Variants in HIGD1A observed in about 807,000 individuals in gnomAD.
The protein encoded by HIGD1A is HIG1 hypoxia inducible domain family member 1A, also known as HIG1 domain family member 1A, mitochondrial.
Under a neutral mutation model 11.3 loss-of-function variants are expected in HIGD1A, and 8 were observed. That is an observed-to-expected ratio of 0.71 (90% CI 0.42 to 1.28). The LOEUF (loss-of-function observed/expected upper bound fraction) is 1.28. Among genes scored for constraint, HIGD1A ranks in the 50% most tolerant of loss-of-function variants. HIGD1A has a pLI of 0.01. For synonymous variants in HIGD1A, 32 were observed against 38.4 expected, an observed-to-expected ratio of 0.83 and a Z score of 0.62; for missense variants, 107 against 118.8, an observed-to-expected ratio of 0.90 and a Z score of 0.46.
chr3:42,794,724 G>T (rs1305189744), intron 1 of HIGD1A, among the ~76,000 whole-genome samples: 2 of 152,184 alleles, frequency 1.3e-5, no homozygotes, highest in African/African-American at 4.8e-5. Context: ...TTTCGGTGTA[G>T]TTAAATGCAG....
chr3:42,783,802 G>A lies in HIGD1A; in HGVS notation c.*1469C>T, dbSNP rs1254091379. 1.3e-5 allele frequency among the ~76,000 whole-genome samples: 2 copies of A among 152,112 alleles called. No homozygotes were observed. Among genetic ancestry groups the A allele is most frequent in the South Asian group, 2.1e-4 (1 of 4,826 alleles). On this transcript the variant is annotated 3_prime_UTR_variant, in exon 4 of 4. Transcript: ENST00000321331. ...TAATTATATGGATAATCAGCTGGGC[G>A]TGGTGGCTCACGCCTGTAATCCTAG...
rs1575356903 is a variant in HIGD1A, at chr3:42,786,144, G to A, written c.116C>T (p.Ala39Val). 2 of 1,613,988 alleles carry A rather than the reference G, an allele frequency of 1.2e-6. No individual in the cohort carries two copies. Among genetic ancestry groups the A allele is most frequent in the East Asian group, 4.5e-5 (2 of 44,870 alleles). Residue 39 changes from alanine to valine, a missense_variant, in exon 3 of 4, where the codon GCA (alanine) becomes GTA (valine). Transcript: ENST00000321331. ...TTTATATAATCCATATGCAACAATTGCTGCAAAACCCGCTATTCCTGTAAA... is the reference window on the plus strand; with the variant it reads ...TTTATATAATCCATATGCAACAATTACTGCAAAACCCGCTATTCCTGTAAA... ...FVPVGIAGFA[A>V]IVAYGLYKLK...
Position 42,794,259 on chromosome 3 carries a change from T to C in HIGD1A, c.-6A>G, listed in dbSNP as rs1279825621. 6 of 1,586,108 alleles carry C rather than the reference T, an allele frequency of 3.8e-6. No homozygotes were observed. The highest frequency in any genetic ancestry group is 1.4e-5 in the African/African-American group (1 of 73,372). On this transcript the variant is annotated 5_prime_UTR_variant, in exon 2 of 4. Coordinates refer to ENST00000321331, the MANE Select transcript of HIGD1A (RefSeq NM_014056.4). ...ACACCTGTGTCTGTTGACATAGTGA[T>C]TGCTTGAAGAATCTCCCTGAGAAAG...
chr3:42,804,458 A>C lies in HIGD1A; in HGVS notation c.-45T>G, dbSNP rs1575367533. 4.3e-6 allele frequency: 2 copies of C among 461,538 alleles called. No individual in the cohort carries two copies. Among genetic ancestry groups the C allele is most frequent in the Non-Finnish European group, 3.8e-6 (1 of 260,542 alleles). 28.6% of individuals were successfully genotyped at this position (461,538 alleles called of 1,614,324 possible). On this transcript the variant is annotated 5_prime_UTR_variant, in exon 1 of 4. Coordinates refer to ENST00000321331, the MANE Select transcript of HIGD1A (RefSeq NM_014056.4). Reference sequence around the variant, plus strand: ...TACCTAGAGCGAGAAAACCTCTCACACCCCAACCGGCTTCCGATCCCTGCA... The same window carrying C: ...TACCTAGAGCGAGAAAACCTCTCACCCCCCAACCGGCTTCCGATCCCTGCA...
chr3:42,796,140 C>T (rs777825825), intron 1 of HIGD1A, among the ~76,000 whole-genome samples: 4 of 152,142 alleles, frequency 2.6e-5, no homozygotes, highest in African/African-American at 9.7e-5. Flanking sequence ...AATGCAACTC[C>T]GGAGGGGGTG....
chr3:42,804,256 T>G (rs1700607509), intron 1 of HIGD1A, 180 bp downstream of exon 1: 16 of 1,568,530 alleles, frequency 1.0e-5, no homozygotes, highest in Non-Finnish European at 1.3e-5. Flanking sequence ...ACTCCTCTCA[T>G]CCGCCCATGC....
At position 42,785,155 on chromosome 3, in the gene HIGD1A, G is replaced by A. The variant is rs889885186; in HGVS notation, c.*116C>T. 1.4e-6 allele frequency: 1 copy of A among 725,190 alleles called. No homozygotes were observed. The highest frequency in any genetic ancestry group is 2.3e-6 in the Non-Finnish European group (1 of 438,856). 44.9% of individuals were successfully genotyped at this position (725,190 alleles called of 1,614,324 possible). On this transcript the variant is annotated 3_prime_UTR_variant, in exon 4 of 4. Transcript: ENST00000321331. Reference sequence around the variant, plus strand: ...AGGAAGCCAATATTCAAAATGCCATGTTACCATCTAAACCCATACAAATTA... The same window carrying A: ...AGGAAGCCAATATTCAAAATGCCATATTACCATCTAAACCCATACAAATTA...
At chr3:42,804,209 C>G in intron 1 of HIGD1A, 2 of 1,610,264 alleles carry the variant, frequency 1.2e-6, no homozygotes, top group Non-Finnish European at 1.7e-6. Context: ...CTGGCTCCGT[C>G]TCCCCTCACC....
intron 1 of HIGD1A, among the ~76,000 whole-genome samples, chr3:42,794,877 A>C (rs1700475026): frequency 6.6e-6 from 1 of 152,230 alleles, no homozygotes; most frequent in South Asian, 2.1e-4. Flanking sequence ...CTGAATAGCC[A>C]AAGTTTCTAC....
intron 3 of HIGD1A, 40 bp downstream of exon 3, chr3:42,785,988 A>C (rs768532973): frequency 1.2e-6 from 2 of 1,603,824 alleles, no homozygotes; most frequent in South Asian, 2.2e-5. Flanking sequence ...GAAATACCTT[A>C]ATGAGAAACG....
intron 2 of HIGD1A, among the ~76,000 whole-genome samples, chr3:42,793,305 G>T (rs1468518564): frequency 6.6e-6 from 1 of 152,108 alleles, no homozygotes. Flanking sequence ...ACCTCTGGGG[G>T]ATAGGAGACT....
chr3:42,785,439 G>C, intron 3 of HIGD1A, 119 bp from the exon 4 acceptor site: 2 of 744,406 alleles, frequency 2.7e-6, no homozygotes, highest in South Asian at 3.4e-5. Flanking sequence ...TTTACAAGGG[G>C]AATAAGACCC....
chr3:42,794,058 GAA>G, intron 2 of HIGD1A, 97 bp downstream of exon 2: 1 of 1,204,964 alleles, frequency 8.3e-7, no homozygotes. Flanking sequence ...TTCAACATAA[GAA>G]AAAAATGGAA....
chr3:42,803,886 G>A (rs945334785), intron 1 of HIGD1A, among the ~76,000 whole-genome samples: 2 of 152,104 alleles, frequency 1.3e-5, no homozygotes, highest in Admixed American at 6.5e-5. Flanking sequence ...CCAGGTCGGG[G>A]AGAAAAGCAA....
Position 42,783,859 on chromosome 3 carries a change from T to G in HIGD1A, c.*1412A>C, listed in dbSNP as rs1480265740. On this transcript the variant is annotated 3_prime_UTR_variant, in exon 4 of 4. Coordinates refer to ENST00000321331, the MANE Select transcript of HIGD1A (RefSeq NM_014056.4). ...GGGAGGCCGAGGCAGGTGGATAACCTGAGGTCAGGAATTCAAGATCAGCCT... is the reference window on the plus strand; with the variant it reads ...GGGAGGCCGAGGCAGGTGGATAACCGGAGGTCAGGAATTCAAGATCAGCCT... Among the ~76,000 whole-genome samples the G allele has an allele frequency of 2.0e-5, 3 of 152,082 alleles. No homozygotes were observed.
intron 1 of HIGD1A, among the ~76,000 whole-genome samples, chr3:42,799,972 A>C (rs1358317321): frequency 6.6e-6 from 1 of 152,196 alleles, no homozygotes; most frequent in Non-Finnish European, 1.5e-5. Flanking sequence ...GACTGGATAG[A>C]GAGATTAAAC....
chr3:42,790,738 T>C (rs560841262), intron 2 of HIGD1A, among the ~76,000 whole-genome samples: 38 of 152,356 alleles, frequency 2.5e-4, no homozygotes, highest in Middle Eastern at 3.4e-3. Flanking sequence ...AAATTCAATG[T>C]AATCCAAATG....
chr3:42,803,086 T>C (rs1293712790), intron 1 of HIGD1A, among the ~76,000 whole-genome samples: 1 of 152,222 alleles, frequency 6.6e-6, no homozygotes, highest in Non-Finnish European at 1.5e-5. Context: ...TCATTATCGT[T>C]TTCTCATCCA....
In HIGD1A at chr3:42,786,226, G is replaced by A. The variant is rs546310336; in HGVS notation, c.98-64C>T. On this transcript the variant is annotated intron_variant, in intron 2 of 3. Transcript: ENST00000321331. ...AGGGACCAAGATGACTTTACCATCA[G>A]TCAATGTACATTCTATTATTTTTAT... The A allele has an allele frequency of 1.4e-5, 21 of 1,495,464 alleles. No homozygotes were observed. In the African/African-American group the frequency reaches 2.4e-4, roughly 17 times the overall value. 92.6% of individuals were successfully genotyped at this position (1,495,464 alleles called of 1,614,324 possible).
Sources: gnomAD v4.1 joint callset for allele counts (sites outside exome capture counted in the v4.1 genomes callset) on GRCh38, gnomAD v4.1.1 for gene constraint, MANE v1.5 for transcripts, NCBI Gene and HGNC (gene_info 2026-07-23, HGNC 2026-07-21) for gene names.